The following FGF13 variants were observed in gnomAD, a reference collection of about 807,000 sequenced individuals.
FGF13 encodes fibroblast growth factor 13, also known as fibroblast growth factor homologous factor 2.
FGF13 carries 2 observed loss-of-function variants against 19.5 expected under a neutral mutation model. That is an observed-to-expected ratio of 0.10 (90% CI 0.04 to 0.32). The LOEUF (loss-of-function observed/expected upper bound fraction) is 0.32. FGF13 is among the 10% of genes least tolerant of loss of function. The pLI, the probability that FGF13 is intolerant of heterozygous loss-of-function variation, is 1.00. For missense variants in FGF13, 113 were observed against 192.7 expected, an observed-to-expected ratio of 0.59 and a Z score of 2.45; for synonymous variants, 72 against 76.9, an observed-to-expected ratio of 0.94 and a Z score of 0.33.
At chrX:138,659,394 A>C (rs2089467875) in intron 3 of FGF13, among the ~76,000 whole-genome samples, 2 of 112,042 alleles carry the variant, frequency 1.8e-5, no homozygotes, top group Non-Finnish European at 3.8e-5. Context: ...CGATCATTAA[A>C]AATTCAGGAA....
intron 3 of FGF13, among the ~76,000 whole-genome samples, chrX:138,794,997 G>T (rs763903074): frequency 7.1e-5 from 8 of 112,140 alleles, no homozygotes; most frequent in Admixed American, 3.8e-4. Flanking sequence ...CAATCCAAGT[G>T]AGGTTTTATT....
chrX:138,861,464 A>G (rs1465943916), intron 2 of FGF13, among the ~76,000 whole-genome samples: 3 of 112,486 alleles, frequency 2.7e-5, no homozygotes, highest in Non-Finnish European at 3.7e-5. Context: ...GTATCAATAG[A>G]CATAACATTG....
intron 1 of FGF13, among the ~76,000 whole-genome samples, chrX:138,978,557 C>T (rs994332960): frequency 1.8e-5 from 2 of 112,462 alleles, no homozygotes; most frequent in African/African-American, 3.2e-5. Flanking sequence ...CCACCGCGCC[C>T]GGCCCCTGGT....
intron 1 of FGF13, among the ~76,000 whole-genome samples, chrX:139,016,263 C>T (rs901166633): frequency 9.0e-6 from 1 of 111,496 alleles, no homozygotes; most frequent in African/African-American, 3.3e-5. Context: ...TATCTGTTTG[C>T]GCTTTATATG....
chrX:138,749,332 CACACACA>C (rs2090380045), intron 3 of FGF13, among the ~76,000 whole-genome samples: 1 of 99,418 alleles, frequency 1.0e-5, no homozygotes, highest in Non-Finnish European at 2.1e-5. Flanking sequence ...TACACACACA[CACACACA>C]CACACACACA....
intron 1 of FGF13, among the ~76,000 whole-genome samples, chrX:138,890,364 T>C (rs1040122469): frequency 1.8e-5 from 2 of 111,998 alleles, no homozygotes; most frequent in African/African-American, 6.5e-5. Context: ...ATAGTGATAG[T>C]GCTTCTCTTT....
intron 3 of FGF13, among the ~76,000 whole-genome samples, chrX:138,850,537 C>T (rs2091214420): frequency 3.6e-5 from 4 of 112,045 alleles, no homozygotes; most frequent in African/African-American, 1.3e-4. Context: ...TTTTATCTTT[C>T]TTGTGACTCT....
rs928537742 is a variant in FGF13, at chrX:138,623,104, A to AT, written c.*9745dup. ...GAAGAAACAACTGATTTTTATGTTG[A>AT]TTTTTTTATCAACATTGGTGAATTC... On this transcript the variant is annotated 3_prime_UTR_variant, in exon 5 of 5. Transcript: ENST00000315930. 8 of 110,698 alleles carry AT rather than the reference A, an allele frequency of 7.2e-5. No homozygotes were observed. Among genetic ancestry groups the AT allele is most frequent in the Non-Finnish European group, 1.5e-4 (8 of 52,805 alleles). 9.1% of individuals were successfully genotyped at this position (110,698 alleles called of 1,213,427 possible). A position where few individuals can be genotyped will look rare whatever the true frequency, so the allele number is the denominator to read the frequency against.
At chrX:139,171,824 T>A (rs2084136057) in intron 1 of FGF13, among the ~76,000 whole-genome samples, 1 of 112,078 alleles carries the variant, frequency 8.9e-6, no homozygotes, top group South Asian at 3.7e-4. Flanking sequence ...AGAATGCTAA[T>A]GACTTTATAC....
At chrX:138,830,685 GTT>G (rs1491190454) in intron 3 of FGF13, among the ~76,000 whole-genome samples, 2 of 76,077 alleles carry the variant, frequency 2.6e-5, no homozygotes, top group African/African-American at 1.1e-4. Flanking sequence ...GAAAAGGGGT[GTT>G]TGTGTGTGTG....
intron 1 of FGF13, among the ~76,000 whole-genome samples, chrX:138,955,512 C>A (rs1415392040): frequency 9.0e-6 from 1 of 111,677 alleles, no homozygotes; most frequent in Non-Finnish European, 1.9e-5. Context: ...AGCATGGAGG[C>A]CCAACAAGAA....
At chrX:138,897,402 T>C (rs1346938336) in intron 1 of FGF13, among the ~76,000 whole-genome samples, 1 of 111,500 alleles carries the variant, frequency 9.0e-6, no homozygotes, top group East Asian at 2.8e-4. Context: ...TCAGCCTTGC[T>C]TGGCTAAGTG....
intron 1 of FGF13, among the ~76,000 whole-genome samples, chrX:139,017,795 G>C (rs1409622789): frequency 9.0e-6 from 1 of 111,487 alleles, no homozygotes; most frequent in Non-Finnish European, 1.9e-5. Context: ...ATTGCAGCCT[G>C]AGGTGTATCA....
chrX:139,054,854 AT>A (rs968949941), intron 1 of FGF13, among the ~76,000 whole-genome samples: 1 of 80,316 alleles, frequency 1.2e-5, no homozygotes, highest in Non-Finnish European at 2.4e-5. Context: ...GGTTAGGTAT[AT>A]TCCTAAGTGT....
At chrX:138,749,322 T>TACACACACAC (rs34038080) in intron 3 of FGF13, among the ~76,000 whole-genome samples, 190 of 81,695 alleles carry the variant, frequency 2.3e-3, no homozygotes, top group African/African-American at 8.4e-3. Flanking sequence ...GAGACCAAAA[T>TACACACACAC]ACACACACAC....
At chrX:138,993,329 T>C (rs1366692344) in intron 1 of FGF13, among the ~76,000 whole-genome samples, 1 of 111,765 alleles carries the variant, frequency 8.9e-6, no homozygotes, top group East Asian at 2.8e-4. Flanking sequence ...ATAATTATAC[T>C]ATGGGAATAG....
At chrX:138,709,640 T>C (rs1431343003) in intron 1 of FGF13, among the ~76,000 whole-genome samples, 1 of 112,203 alleles carries the variant, frequency 8.9e-6, no homozygotes, top group East Asian at 2.8e-4. Context: ...TTATCAAAAA[T>C]ATGAGTTCTT....
At chrX:138,914,516 C>G (rs2124232059) in intron 1 of FGF13, among the ~76,000 whole-genome samples, 1 of 110,662 alleles carries the variant, frequency 9.0e-6, no homozygotes, top group Non-Finnish European at 1.9e-5. Flanking sequence ...AAACATTCAT[C>G]TCTGCGTTTT....
intron 1 of FGF13, among the ~76,000 whole-genome samples, chrX:138,889,757 T>C (rs747683167): frequency 9.0e-6 from 1 of 111,362 alleles, no homozygotes; most frequent in East Asian, 2.8e-4. Flanking sequence ...TAGAACTGTA[T>C]ATCAAGGCTA....
Sources: allele counts gnomAD v4.1 joint callset (sites outside exome capture counted in the v4.1 genomes callset), GRCh38; gene constraint gnomAD v4.1.1; transcripts MANE v1.5; gene names NCBI Gene and HGNC (gene_info 2026-07-23, HGNC 2026-07-21).